The following E2F7 variants were observed in gnomAD, a reference collection of about 807,000 sequenced individuals.
The protein encoded by E2F7 is E2F transcription factor 7.
Under a neutral mutation model 81.1 loss-of-function variants are expected in E2F7, and 35 were observed. The observed-to-expected ratio is 0.43, with a 90% CI of 0.33 to 0.57. The LOEUF (loss-of-function observed/expected upper bound fraction) is 0.57, where lower values mean the gene tolerates loss of function less well. Ranked by LOEUF, E2F7 falls within the 20% of genes least tolerant of loss-of-function variation. The probability of loss-of-function intolerance (pLI) is 0.04; values close to 1 mark genes in which losing one functional copy is unlikely to be tolerated. For missense variants in E2F7, 961 were observed against 1,093.7 expected (o/e 0.88, Z 1.71); for synonymous variants, 416 against 416.2 (o/e 1.00, Z 0.01).
chr12:77,031,324 A>C (rs1056592924), intron 9 of E2F7, among the ~76,000 whole-genome samples: 10 of 152,236 alleles, frequency 6.6e-5, no homozygotes, highest in African/African-American at 2.4e-4. Context: ...TTTTAGGAAT[A>C]GAGAAGAACG....
chr12:77,050,602 G>C lies in E2F7; in HGVS notation c.512C>G (p.Ser171Cys). 6.2e-7 allele frequency: 1 copy of C among 1,613,988 alleles called. No homozygotes were observed. The highest frequency in any genetic ancestry group is 8.5e-7 in the Non-Finnish European group (1 of 1,179,932). Residue 171 changes from serine to cysteine, a missense_variant, in exon 4 of 13, where the codon TCC becomes TGC. Physicochemically the swap from Ser to Cys is moderately radical, Grantham distance 112 (BLOSUM62 -1). Coordinates refer to ENST00000322886, the MANE Select transcript of E2F7 (RefSeq NM_203394.3). ...YPLSTEKTTI[S>C]LDEVAVSLGV... ...AAGACTGACAGCAACTTCATCTAGG[G>C]AGATGGTAGTTTTCTCAGTTGACAA...
At chr12:77,055,103 A>G (rs893950573) in intron 3 of E2F7, among the ~76,000 whole-genome samples, 7 of 152,234 alleles carry the variant, frequency 4.6e-5, no homozygotes, top group Non-Finnish European at 1.0e-4. Flanking sequence ...ATTTAGTTAC[A>G]TGAAAGAATC....
At chr12:77,057,689 C>T (rs1474835988) in intron 2 of E2F7, among the ~76,000 whole-genome samples, 2 of 152,152 alleles carry the variant, frequency 1.3e-5, no homozygotes, top group South Asian at 2.1e-4. Context: ...ATAGAATCCA[C>T]CTTTGGAACT....
intron 4 of E2F7, among the ~76,000 whole-genome samples, chr12:77,047,398 T>C (rs911762554): frequency 3.3e-5 from 5 of 152,310 alleles, no homozygotes; most frequent in Middle Eastern, 3.4e-3. Flanking sequence ...TGGCATGACA[T>C]TCGTTATACC....
intron 2 of E2F7, among the ~76,000 whole-genome samples, chr12:77,056,546 C>T (rs1280958836): frequency 1.3e-5 from 2 of 152,184 alleles, no homozygotes; most frequent in Non-Finnish European, 2.9e-5. Context: ...TGCACCAGTG[C>T]TAATACAGCA....
chr12:77,025,812 T>G lies in E2F7; in HGVS notation c.2311A>C (p.Thr771Pro), dbSNP rs1954753371. Residue 771 changes from threonine to proline, a missense_variant, in exon 12 of 13, where the codon ACT becomes CCT. Thr to Pro is a conservative substitution (Grantham distance 38). Around this residue, in one of 3 missense-constraint regions of E2F7, gnomAD observed 587 missense variants for 620.3 expected, o/e 0.95. Coordinates refer to ENST00000322886, the MANE Select transcript of E2F7 (RefSeq NM_203394.3). ...CCTGTGTTTGGGAGAGCACCAAGAG[T>G]AGAAGAAACCGGGCCCGGCATTGCA... ...SPAMPGPVSS[T>P]LGALPNTGPV... 6.2e-7 allele frequency: 1 copy of G among 1,611,858 alleles called. No individual in the cohort carries two copies. Among genetic ancestry groups the G allele is most frequent in the African/African-American group, 1.3e-5 (1 of 74,082 alleles).
At chr12:77,054,137 C>T (rs1381640894) in intron 3 of E2F7, among the ~76,000 whole-genome samples, 1 of 151,898 alleles carries the variant, frequency 6.6e-6, no homozygotes, top group African/African-American at 2.4e-5. Context: ...TGCTGATTAC[C>T]TGGGTGACCA....
At chr12:77,042,568 T>C (rs932695621) in intron 7 of E2F7, among the ~76,000 whole-genome samples, 2 of 152,238 alleles carry the variant, frequency 1.3e-5, no homozygotes, top group Non-Finnish European at 2.9e-5. Flanking sequence ...ACCTTTTAAA[T>C]ACAAAAAGTC....
chr12:77,023,774 A>C lies in E2F7; in HGVS notation c.*241T>G, dbSNP rs928937522. On this transcript the variant is annotated 3_prime_UTR_variant, in exon 13 of 13. Transcript: ENST00000322886. ...AGAATAAGACGATTCTTGAATCAAAACCATAAGTCAGTCGGCGCTTTCACT... is the reference window on the plus strand; with the variant it reads ...AGAATAAGACGATTCTTGAATCAAACCCATAAGTCAGTCGGCGCTTTCACT... The C allele has an allele frequency of 8.8e-6, 4 of 457,042 alleles. No homozygotes were observed. Among genetic ancestry groups the C allele is most frequent in the African/African-American group, 5.9e-5 (3 of 50,594 alleles). The allele number at this position is 457,042 out of a possible 1,614,324, so 28.3% of individuals were successfully genotyped here.
chr12:77,064,702 C>T (rs1055208646), intron 1 of E2F7, 67 bp from the exon 2 acceptor site: 4 of 1,294,488 alleles, frequency 3.1e-6, no homozygotes, highest in Middle Eastern at 3.7e-4. Flanking sequence ...ACAAAAATAT[C>T]TACATATGTG....
At chr12:77,031,709 A>C (rs1255333217) in intron 9 of E2F7, among the ~76,000 whole-genome samples, 1 of 152,102 alleles carries the variant, frequency 6.6e-6, no homozygotes, top group Non-Finnish European at 1.5e-5. Context: ...AAAAAACAGT[A>C]AACAGAGGAC....
intron 3 of E2F7, among the ~76,000 whole-genome samples, chr12:77,054,839 T>C (rs1955018974): frequency 6.6e-6 from 1 of 152,158 alleles, no homozygotes; most frequent in Non-Finnish European, 1.5e-5. Context: ...TTATTTAGTT[T>C]TTAGAACCCC....
intron 11 of E2F7, among the ~76,000 whole-genome samples, chr12:77,026,567 G>T (rs1223630227): frequency 6.6e-6 from 1 of 152,146 alleles, no homozygotes; most frequent in Non-Finnish European, 1.5e-5. Context: ...CTCCCAAAGT[G>T]CTGAGATTAC....
intron 7 of E2F7, among the ~76,000 whole-genome samples, chr12:77,042,264 T>C (rs11116780): frequency 0.34 from 51,170 of 152,124 alleles, 8,872 homozygotes; most frequent in African/African-American, 0.42. Context: ...GAATTTGTTA[T>C]ACTTGATTTT....
At position 77,028,076 on chromosome 12, in the gene E2F7, G is replaced by C; in HGVS notation, c.1947C>G (p.Pro649=). The stretch of plus-strand genomic sequence containing the variant: ...GGCCATTCACATGAATGTCTTTGAG[G>C]GGTATAGATGCCCTGTTACCCATAG... ...PKTMGNRASI[P]LKDIHVNGQL... Residue 649 remains proline (P), a synonymous_variant, in exon 11 of 13, where the codon CCC becomes CCG. Coordinates refer to ENST00000322886, the MANE Select transcript of E2F7 (RefSeq NM_203394.3). 1.2e-6 allele frequency: 2 copies of C among 1,614,172 alleles called. No homozygotes were observed. The highest frequency in any genetic ancestry group is 1.7e-6 in the Non-Finnish European group (2 of 1,180,028).
At chr12:77,052,454 A>C (rs1004208473) in intron 3 of E2F7, among the ~76,000 whole-genome samples, 1 of 152,174 alleles carries the variant, frequency 6.6e-6, no homozygotes, top group Non-Finnish European at 1.5e-5. Context: ...TAGGGGGAAG[A>C]GAAAGACCTC....
chr12:77,062,875 G>A (rs1356227470), intron 2 of E2F7, among the ~76,000 whole-genome samples: 1 of 141,380 alleles, frequency 7.1e-6, no homozygotes. Context: ...CCACCCTCAT[G>A]ACTTAGATAA....
intron 3 of E2F7, among the ~76,000 whole-genome samples, 159 bp from the exon 4 acceptor site, chr12:77,050,903 T>A (rs958472260): frequency 3.3e-5 from 5 of 152,224 alleles, no homozygotes; most frequent in Admixed American, 1.3e-4. Flanking sequence ...CCTGAATGTT[T>A]TATCTATTGT....
intron 11 of E2F7, 124 bp from the exon 12 acceptor site, chr12:77,026,106 CCCCCA>C: frequency 8.4e-7 from 1 of 1,185,478 alleles, no homozygotes; most frequent in Admixed American, 2.8e-5. Flanking sequence ...ATGAGACCTT[CCCCCA>C]GCTGACCAGG....
Sources: allele counts gnomAD v4.1 joint callset (sites outside exome capture counted in the v4.1 genomes callset), GRCh38; gene constraint gnomAD v4.1.1; regional missense constraint gnomAD v4.1.1; transcripts MANE v1.5; gene names NCBI Gene and HGNC (gene_info 2026-07-23, HGNC 2026-07-21).